Variants in PHLPP1 observed in about 807,000 individuals in gnomAD.
The protein encoded by PHLPP1 is PH domain and leucine rich repeat protein phosphatase 1.
PHLPP1 carries 42 observed loss-of-function variants against 117.2 expected under a neutral mutation model. That is an observed-to-expected ratio of 0.36 (90% CI 0.28 to 0.46). The LOEUF is 0.46. Ranked by LOEUF, PHLPP1 falls within the 20% of genes least tolerant of loss-of-function variation. PHLPP1 has a pLI of 1.00. For missense variants in PHLPP1, 2,084 were observed against 2,241.9 expected (o/e 0.93, Z 1.42); for synonymous variants, 1,042 against 970.7 (o/e 1.07, Z -1.37).
chr18:62,819,380 C>A (rs1291889188), intron 1 of PHLPP1, among the ~76,000 whole-genome samples: 1 of 151,966 alleles, frequency 6.6e-6, no homozygotes, highest in East Asian at 1.9e-4. Flanking sequence ...AAGAAGAAAG[C>A]AGGAGGGAAT....
Position 62,834,831 on chromosome 18 carries a change from CTCCTTTCCTCCCACCCTTTTATTT to C in PHLPP1, c.1774-3935_1774-3912del, listed in dbSNP as rs546875209. ...AGAAGTTTCCTCGTGTCCCTTTGTT[CTCCTTTCCTCCCACCCTTTTATTT>C]TCCTTTCCTCCCACCCTCTCCCACT... On this transcript the variant is annotated intron_variant, in intron 2 of 16. Coordinates refer to ENST00000262719, the MANE Select transcript of PHLPP1 (RefSeq NM_194449.4). Among the ~76,000 whole-genome samples, 421 of 152,212 alleles carry C rather than the reference CTCCTTTCCTCCCACCCTTTTATTT, an allele frequency of 2.8e-3. 1 individual carries two copies. The highest frequency in any genetic ancestry group is 9.2e-3 in the African/African-American group (384 of 41,530).
chr18:62,801,082 C>T (rs1483538243), intron 1 of PHLPP1, among the ~76,000 whole-genome samples: 3 of 130,336 alleles, frequency 2.3e-5, no homozygotes, highest in South Asian at 3.0e-4. Context: ...CCTTTCTTGC[C>T]CTATCTCCCA....
intron 1 of PHLPP1, among the ~76,000 whole-genome samples, chr18:62,739,698 G>A (rs1018991474): frequency 6.6e-6 from 1 of 152,156 alleles, no homozygotes; most frequent in Admixed American, 6.5e-5. Flanking sequence ...CATCCATGAA[G>A]GAGTTAACCC....
chr18:62,752,990 A>C (rs1911905945), intron 1 of PHLPP1, among the ~76,000 whole-genome samples: 1 of 152,244 alleles, frequency 6.6e-6, no homozygotes, highest in Non-Finnish European at 1.5e-5. Flanking sequence ...ACATACATTT[A>C]AAAATTATAA....
chr18:62,725,065 T>C (rs1441847578), intron 1 of PHLPP1, among the ~76,000 whole-genome samples: 2 of 152,192 alleles, frequency 1.3e-5, no homozygotes, highest in African/African-American at 2.4e-5. Flanking sequence ...TCCCTTTAAA[T>C]ATGTGTGTGT....
intron 1 of PHLPP1, among the ~76,000 whole-genome samples, chr18:62,784,909 G>GA (rs955236570): frequency 6.6e-6 from 1 of 151,914 alleles, no homozygotes; most frequent in African/African-American, 2.4e-5. Flanking sequence ...GATATTTGTG[G>GA]AAAAAAAGAT....
rs141355791 is a variant in PHLPP1, at chr18:62,893,310, G to C, written c.2067-1701G>C. The stretch of plus-strand genomic sequence containing the variant: ...TCTGCCCACCTCGGCCTCCCAAAGT[G>C]CTGGGATTACAGGTATGAGCCACTG... On this transcript the variant is annotated intron_variant, in intron 4 of 16. Transcript: ENST00000262719. Among the ~76,000 whole-genome samples the C allele has an allele frequency of 4.4e-3, 677 of 152,278 alleles. 9 individuals carry two copies. Among genetic ancestry groups the C allele is most frequent in the African/African-American group, 0.016 (648 of 41,544 alleles).
At chr18:62,736,669 T>C (rs560997550) in intron 1 of PHLPP1, among the ~76,000 whole-genome samples, 38 of 152,302 alleles carry the variant, frequency 2.5e-4, no homozygotes, top group African/African-American at 9.1e-4. Context: ...CAATTTAACA[T>C]TGAAGGACTG....
At chr18:62,788,106 T>C (rs1413517868) in intron 1 of PHLPP1, among the ~76,000 whole-genome samples, 2 of 152,220 alleles carry the variant, frequency 1.3e-5, no homozygotes, top group African/African-American at 2.4e-5. Context: ...GCCAATAGCA[T>C]TTTCTATCTG....
rs1023149177 is a variant in PHLPP1, at chr18:62,945,017, A to G, written c.3162-92A>G. ...TTGTTTGTAAAAATGACTGTTACAA[A>G]TGAATCCTTAAAGTCATAGCAATTT... On this transcript the variant is annotated intron_variant, in intron 11 of 16. Transcript: ENST00000262719. 3.1e-6 allele frequency: 3 copies of G among 970,824 alleles called. No individual in the cohort carries two copies. In the African/African-American group the frequency reaches 5.0e-5, roughly 16 times the overall value. The allele number at this position is 970,824 out of a possible 1,614,324, so 60.1% of individuals were successfully genotyped here.
chr18:62,969,384 C>T lies in PHLPP1; in HGVS notation c.3561-3130C>T, dbSNP rs150129771. Among the ~76,000 whole-genome samples, 46 of 152,134 alleles carry T rather than the reference C, an allele frequency of 3.0e-4. 2 individuals are homozygous for T. The South Asian group carries it at 7.5e-3, about 25-fold the overall frequency. On this transcript the variant is annotated intron_variant, in intron 14 of 16. Transcript: ENST00000262719. ...ATTTCACTAATATCGTTGGAGAACA[C>T]GCTTTGTATGACTTGAATCCTTTAA... is the stretch of plus-strand genomic sequence containing the variant.
chr18:62,800,532 C>T (rs1471062729), intron 1 of PHLPP1, among the ~76,000 whole-genome samples: 1 of 151,420 alleles, frequency 6.6e-6, no homozygotes, highest in African/African-American at 2.4e-5. Context: ...TCACCTATAA[C>T]ATCTTTCATT....
intron 4 of PHLPP1, among the ~76,000 whole-genome samples, chr18:62,880,439 A>G (rs1916148331): frequency 1.3e-5 from 2 of 152,182 alleles, no homozygotes; most frequent in African/African-American, 2.4e-5. Flanking sequence ...ATACTTGTGA[A>G]TCTTCTCTCC....
chr18:62,890,690 C>G (rs1447240806), intron 4 of PHLPP1, among the ~76,000 whole-genome samples: 2 of 152,214 alleles, frequency 1.3e-5, no homozygotes, highest in Non-Finnish European at 2.9e-5. Flanking sequence ...ACACCACCGC[C>G]CCGCCACATT....
chr18:62,759,280 A>G (rs777669203), intron 1 of PHLPP1, among the ~76,000 whole-genome samples: 9 of 152,180 alleles, frequency 5.9e-5, no homozygotes, highest in Non-Finnish European at 1.3e-4. Context: ...AGTTTGGGAA[A>G]ATGTTTAAAA....
chr18:62,723,044 C>A (rs1251153060), intron 1 of PHLPP1, among the ~76,000 whole-genome samples: 3 of 152,174 alleles, frequency 2.0e-5, no homozygotes, highest in African/African-American at 4.8e-5. Context: ...ATGCCACATG[C>A]ATACTGAAGT....
Position 62,899,750 on chromosome 18 carries a change from GC to G in PHLPP1, c.2445-3212del, listed in dbSNP as rs534488074. The stretch of plus-strand genomic sequence containing the variant: ...AGCGGTACAAGCGCAGGTCATTAGA[GC>G]CTTGATCTCCTGGACTTAAGTGATC... On this transcript the variant is annotated intron_variant, in intron 6 of 16. Coordinates refer to ENST00000262719, the MANE Select transcript of PHLPP1 (RefSeq NM_194449.4). Among the ~76,000 whole-genome samples, 348 of 152,250 alleles carry G rather than the reference GC, an allele frequency of 2.3e-3. 1 individual carries two copies. The highest frequency in any genetic ancestry group is 8.1e-3 in the African/African-American group (337 of 41,534).
intron 1 of PHLPP1, among the ~76,000 whole-genome samples, chr18:62,827,446 T>C (rs1025572263): frequency 6.6e-6 from 1 of 152,192 alleles, no homozygotes; most frequent in African/African-American, 2.4e-5. Context: ...CCTTATGTTG[T>C]AGAACAAGGA....
chr18:62,915,108 T>C, intron 9 of PHLPP1, 100 bp downstream of exon 9: 3 of 845,006 alleles, frequency 3.6e-6, no homozygotes, highest in African/African-American at 1.7e-5. Flanking sequence ...CTAAAAGAGT[T>C]TGCTTTAAAA....
Sources: allele counts gnomAD v4.1 joint callset (sites outside exome capture counted in the v4.1 genomes callset), GRCh38; gene constraint gnomAD v4.1.1; transcripts MANE v1.5; gene names NCBI Gene and HGNC (gene_info 2026-07-23, HGNC 2026-07-21).